ANKFY1: variants seen among roughly 807,000 people sequenced by gnomAD.
The protein encoded by ANKFY1 is ankyrin repeat and FYVE domain containing 1.
Under a neutral mutation model 128.3 loss-of-function variants are expected in ANKFY1, and 47 were observed. The ratio of observed to expected loss-of-function variants is 0.37; its 90% CI spans 0.29 to 0.47. ANKFY1 has a LOEUF of 0.47. Ranked by LOEUF, ANKFY1 falls within the 20% of genes least tolerant of loss-of-function variation. The pLI is 1.00. For missense variants in ANKFY1, 1,222 were observed against 1,510.6 expected (o/e 0.81, Z 3.17); for synonymous variants, 553 against 601.6 (o/e 0.92, Z 1.18).
In ANKFY1 at chr17:4,189,442, G is replaced by A. The variant is rs769523071; in HGVS notation, c.1410C>T (p.Asn470=). 11 of 1,591,856 alleles carry A rather than the reference G, an allele frequency of 6.9e-6. No individual in the cohort carries two copies. The South Asian group carries it at 7.9e-5, about 11-fold the overall frequency. ...CLLQRAAGAG[N]EAAALFLATN... ...TTGCCAGGAAAAGAGCTGCTGCCTCGTTTCCTGCTCCAGCTGCCCGCTGTA... is the reference window on the plus strand; with the variant it reads ...TTGCCAGGAAAAGAGCTGCTGCCTCATTTCCTGCTCCAGCTGCCCGCTGTA... The change falls in exon 11 of 25, where the codon AAC becomes AAT. Residue 470 remains asparagine, a synonymous_variant. Coordinates refer to ENST00000341657, the MANE Select transcript of ANKFY1 (RefSeq NM_001330063.2).
intron 24 of ANKFY1, among the ~76,000 whole-genome samples, chr17:4,168,380 G>C (rs535832189): frequency 6.6e-5 from 10 of 152,158 alleles, no homozygotes; most frequent in Non-Finnish European, 1.5e-4. Context: ...TTGAACCCGC[G>C]AAGTGGAGAT....
intron 3 of ANKFY1, among the ~76,000 whole-genome samples, chr17:4,228,090 G>A (rs928900964): frequency 1.3e-5 from 2 of 152,018 alleles, no homozygotes; most frequent in Non-Finnish European, 2.9e-5. Context: ...GAACACAAAT[G>A]TCCATCAACA....
rs2059457485 is a variant in ANKFY1 at position 4,178,897 on chromosome 17, G to A, written c.2558C>T (p.Ala853Val). The change falls in exon 18 of 25, where the codon GCC (alanine) becomes GTC (valine). Residue 853 changes from alanine to valine, a missense_variant. Ala to Val is a moderately conservative substitution (Grantham distance 64). Coordinates refer to ENST00000341657, the MANE Select transcript of ANKFY1 (RefSeq NM_001330063.2). This position sits in a 1 kb window ranked among gnomAD's most constrained non-coding sequence, Gnocchi z 4.1. ...CAMTFKNNKSAEAILKRESGA... is the reference protein window; with the variant it reads ...CAMTFKNNKSVEAILKRESGA... ...GGACTCTCGTTTGAGAATGGCCTCG[G>A]CTGACTTGTTGTTCTTGAAAGTCAT... The A allele has an allele frequency of 6.2e-7, 1 of 1,614,056 alleles. No homozygotes were observed. The highest frequency in any genetic ancestry group is 1.1e-5 in the South Asian group (1 of 91,076).
intron 2 of ANKFY1, among the ~76,000 whole-genome samples, chr17:4,238,854 G>A (rs537837068): frequency 3.3e-5 from 5 of 152,144 alleles, no homozygotes; most frequent in South Asian, 2.1e-4. Context: ...CCACCTTCGG[G>A]TTCAAGCAAT....
chr17:4,206,177 A>T (rs2060019869), intron 7 of ANKFY1, 144 bp downstream of exon 7: 2 of 898,114 alleles, frequency 2.2e-6, no homozygotes, highest in African/African-American at 3.3e-5. Flanking sequence ...CCTCTGACCC[A>T]ATGATCAAAT....
In ANKFY1 at chr17:4,249,061, TGCAAAAAAGTAGTTAATCA is replaced by T. The variant is rs532370036; in HGVS notation, c.11-6632_11-6614del. ...CTAAAATAAAGAGTGCAATGTCTAC[TGCAAAAAAGTAGTTAATCA>T]GCAAATTACCTCTTCAGAAGTTATA... is the stretch of plus-strand genomic sequence containing the variant. On this transcript the variant is annotated intron_variant, in intron 1 of 24. Transcript: ENST00000341657. 84 of 913,152 alleles carry T rather than the reference TGCAAAAAAGTAGTTAATCA, an allele frequency of 9.2e-5. 1 individual carries two copies. In the East Asian group the frequency reaches 3.3e-3, roughly 36 times the overall value. 56.6% of individuals were successfully genotyped at this position (913,152 alleles called of 1,614,324 possible).
At chr17:4,218,547 G>A (rs987015495) in intron 3 of ANKFY1, among the ~76,000 whole-genome samples, 5 of 152,176 alleles carry the variant, frequency 3.3e-5, no homozygotes, top group Admixed American at 2.6e-4. Context: ...AGGAATTCAA[G>A]ACCAGTGTGA....
At chr17:4,210,546 TA>T (rs1240407444) in intron 4 of ANKFY1, among the ~76,000 whole-genome samples, 17 of 151,920 alleles carry the variant, frequency 1.1e-4, no homozygotes, top group African/African-American at 3.9e-4. Context: ...CCATCTCTAC[TA>T]AAAATACAAA....
At position 4,179,700 on chromosome 17, in the gene ANKFY1, CG is replaced by C. The variant is rs776271797; in HGVS notation, c.2397+20del. 2 of 1,611,580 alleles carry C rather than the reference CG, an allele frequency of 1.2e-6. No homozygotes were observed. The highest frequency in any genetic ancestry group is 2.7e-5 in the African/African-American group (2 of 74,976). On this transcript the variant is annotated intron_variant, in intron 17 of 24. Transcript: ENST00000341657. ...CATGCTGGGGCTACACCTCTCTCCC[CG>C]GAAAAGAGAAACGACACACCTGTGC...
At chr17:4,179,583 G>T in intron 17 of ANKFY1, 138 bp downstream of exon 17, 1 of 1,124,166 alleles carries the variant, frequency 8.9e-7, no homozygotes, top group Non-Finnish European at 1.3e-6. Flanking sequence ...CTGAAATCAT[G>T]AACGCTGCTA....
chr17:4,179,920 C>G (rs539440449), intron 16 of ANKFY1, 43 bp from the exon 17 acceptor site: 4 of 1,609,906 alleles, frequency 2.5e-6, no homozygotes, highest in African/African-American at 1.3e-5. Context: ...ACGCTTGGAC[C>G]TGGCGTATAG....
At chr17:4,198,704 A>T (rs1039302602) in intron 7 of ANKFY1, among the ~76,000 whole-genome samples, 2 of 152,216 alleles carry the variant, frequency 1.3e-5, no homozygotes, top group African/African-American at 4.8e-5. Context: ...TTATATACAC[A>T]TAACTGACTT....
chr17:4,174,125 G>C, intron 19 of ANKFY1, 69 bp from the exon 20 acceptor site: 1 of 1,553,280 alleles, frequency 6.4e-7, no homozygotes. Context: ...TGGGGGCCGA[G>C]CCTGCTTGTC....
chr17:4,243,239 T>C (rs561830519), intron 1 of ANKFY1, among the ~76,000 whole-genome samples: 524 of 151,858 alleles, frequency 3.5e-3, no homozygotes, highest in Non-Finnish European at 5.4e-3. Context: ...GCTCATTTTT[T>C]GTATTTTTAG....
chr17:4,189,457 T>C lies in ANKFY1; in HGVS notation c.1395A>G (p.Ala465=). The C allele has an allele frequency of 1.9e-6, 3 of 1,587,720 alleles. No homozygotes were observed. Among genetic ancestry groups the C allele is most frequent in the South Asian group, 2.3e-5 (2 of 87,766 alleles). Reference sequence around the variant, plus strand: ...CTGCTGCCTCGTTTCCTGCTCCAGCTGCCCGCTGTAGTAAACAGTTTCCTA... The same window carrying C: ...CTGCTGCCTCGTTTCCTGCTCCAGCCGCCCGCTGTAGTAAACAGTTTCCTA... ...TATGNCLLQR[A]AGAGNEAAAL... Residue 465 remains alanine (A), a synonymous_variant, in exon 11 of 25, where the codon GCA becomes GCG. Coordinates refer to ENST00000341657, the MANE Select transcript of ANKFY1 (RefSeq NM_001330063.2).
intron 11 of ANKFY1, chr17:4,188,929 C>T (rs1024486351): frequency 5.9e-5 from 9 of 152,596 alleles, no homozygotes; most frequent in African/African-American, 2.0e-4. Context: ...CTGGTAAACT[C>T]GGTAACGTCC....
rs886769276 is a variant in ANKFY1 at position 4,172,443 on chromosome 17, G to T, written c.3139+113C>A. 8.3e-6 allele frequency: 12 copies of T among 1,445,226 alleles called. No individual in the cohort carries two copies. The African/African-American group carries it at 1.6e-4, about 19-fold the overall frequency. 89.5% of individuals were successfully genotyped at this position (1,445,226 alleles called of 1,614,324 possible). On this transcript the variant is annotated intron_variant, in intron 22 of 24. Coordinates refer to ENST00000341657, the MANE Select transcript of ANKFY1 (RefSeq NM_001330063.2). ...TAACTCACACCCGGAGGGCCCAACA[G>T]AACTGTTCTGCGAGCTGAACGCCCT...
At chr17:4,247,487 GTC>G (rs1227586774) in intron 1 of ANKFY1, among the ~76,000 whole-genome samples, 1 of 152,180 alleles carries the variant, frequency 6.6e-6, no homozygotes, top group Non-Finnish European at 1.5e-5. Flanking sequence ...GGCAGCTTTT[GTC>G]GGGGGAAACC....
At chr17:4,209,402 G>A (rs1456371325) in intron 5 of ANKFY1, among the ~76,000 whole-genome samples, 2 of 152,202 alleles carry the variant, frequency 1.3e-5, no homozygotes, top group Admixed American at 6.5e-5. Context: ...CCGGGTTTAC[G>A]TGATTCTCCT....
Sources: gnomAD v4.1 joint callset for allele counts (sites outside exome capture counted in the v4.1 genomes callset) on GRCh38, gnomAD v4.1.1 for gene constraint, Gnocchi (gnomAD v3.1) non-coding constraint, MANE v1.5 for transcripts, NCBI Gene and HGNC (gene_info 2026-07-23, HGNC 2026-07-21) for gene names.